ABTB3: variants seen among roughly 807,000 people sequenced by gnomAD.
The protein encoded by ABTB3 is ankyrin repeat- and BTB/POZ domain-containing protein 3.
the ABTB3 span, among the ~76,000 whole-genome samples, chr12:107,461,854 G>T: frequency 5.2e-4 from 79 of 152,274 alleles, no homozygotes; most frequent in East Asian, 0.014. Flanking sequence ...ATAATCAAAT[G>T]CTCCCCTGCT....
At chr12:107,612,988 C>A in the ABTB3 span, 1 of 903,430 alleles carries the variant, frequency 1.1e-6, no homozygotes, top group Non-Finnish European at 1.7e-6. Flanking sequence ...CAACAGATAG[C>A]TCTTTCCTGT....
At chr12:107,335,287 A>C in the ABTB3 span, among the ~76,000 whole-genome samples, 1 of 35,316 alleles carries the variant, frequency 2.8e-5, no homozygotes, top group African/African-American at 4.7e-4. Context: ...ACCTTGTCTC[A>C]AAAAAAAAAA....
the ABTB3 span, among the ~76,000 whole-genome samples, chr12:107,537,435 A>G: frequency 6.6e-6 from 1 of 152,212 alleles, no homozygotes; most frequent in Non-Finnish European, 1.5e-5. Flanking sequence ...TATGGTAATT[A>G]CCCTGATTTG....
chr12:107,608,892 A>T, the ABTB3 span, among the ~76,000 whole-genome samples: 14 of 63,152 alleles, frequency 2.2e-4, no homozygotes, highest in East Asian at 3.4e-3. Context: ...ATAAAATAAA[A>T]TAAATAAAAT....
At chr12:107,331,193 G>A in the ABTB3 span, among the ~76,000 whole-genome samples, 2 of 152,166 alleles carry the variant, frequency 1.3e-5, no homozygotes, top group East Asian at 3.9e-4. Flanking sequence ...TGGGAACGTG[G>A]CACAGCCTTT....
the ABTB3 span, among the ~76,000 whole-genome samples, chr12:107,568,908 T>C: frequency 4.6e-5 from 7 of 152,210 alleles, no homozygotes; most frequent in Admixed American, 6.5e-5. Context: ...TCTGACTCAA[T>C]GCACGAATCA....
the ABTB3 span, among the ~76,000 whole-genome samples, chr12:107,477,053 C>T: frequency 6.6e-6 from 1 of 152,160 alleles, no homozygotes; most frequent in East Asian, 1.9e-4. Flanking sequence ...ACTACTGGTG[C>T]TCTGTGCTGG....
the ABTB3 span, chr12:107,580,921 G>T: frequency 1.3e-6 from 2 of 1,551,516 alleles, no homozygotes; most frequent in Non-Finnish European, 1.7e-6. Context: ...GGAAACTGAG[G>T]CCCAAGGATT....
chr12:107,347,124 G>T, the ABTB3 span, among the ~76,000 whole-genome samples: 2 of 152,168 alleles, frequency 1.3e-5, no homozygotes, highest in Non-Finnish European at 2.9e-5. Flanking sequence ...GGGCCACGGA[G>T]TAGCTTTAGC....
chr12:107,375,334 C>T, the ABTB3 span, among the ~76,000 whole-genome samples: 1 of 152,104 alleles, frequency 6.6e-6, no homozygotes, highest in Non-Finnish European at 1.5e-5. Context: ...GGAAGGATCA[C>T]CTTAGCCCGG....
chr12:107,618,317 G>A, the ABTB3 span: 1 of 1,613,848 alleles, frequency 6.2e-7, no homozygotes, highest in Non-Finnish European at 8.5e-7. Flanking sequence ...CCCTGAGGGA[G>A]GCCATGTATC....
At chr12:107,478,333 C>G in the ABTB3 span, among the ~76,000 whole-genome samples, 3 of 152,108 alleles carry the variant, frequency 2.0e-5, no homozygotes, top group East Asian at 5.8e-4. Flanking sequence ...CAGTTGGATC[C>G]AACTCACTCA....
At chr12:107,406,872 T>C in the ABTB3 span, among the ~76,000 whole-genome samples, 2 of 152,140 alleles carry the variant, frequency 1.3e-5, no homozygotes, top group Non-Finnish European at 2.9e-5. Context: ...GTATAAAGCC[T>C]AAACTCCCCC....
At chr12:107,372,830 A>T in the ABTB3 span, among the ~76,000 whole-genome samples, 1 of 152,114 alleles carries the variant, frequency 6.6e-6, no homozygotes, top group Non-Finnish European at 1.5e-5. Context: ...ACTTATTATT[A>T]TCTTTGTTCA....
chr12:107,471,263 G>T, the ABTB3 span, among the ~76,000 whole-genome samples: 40 of 152,268 alleles, frequency 2.6e-4, no homozygotes, highest in African/African-American at 9.1e-4. Flanking sequence ...AAGGCACAAA[G>T]AAGTGAAGTA....
chr12:107,626,775 C>T, the ABTB3 span, among the ~76,000 whole-genome samples: 3 of 152,124 alleles, frequency 2.0e-5, no homozygotes, highest in African/African-American at 7.2e-5. Context: ...TCCATAAAGC[C>T]TCTAAGGAGT....
At chr12:107,458,287 G>C in the ABTB3 span, among the ~76,000 whole-genome samples, 74 of 152,304 alleles carry the variant, frequency 4.9e-4, no homozygotes, top group African/African-American at 1.8e-3. Flanking sequence ...TGATTTGACA[G>C]GTGAACAGAA....
the ABTB3 span, among the ~76,000 whole-genome samples, chr12:107,508,444 T>TTTTTTTGTTTG: frequency 1.3e-5 from 1 of 76,884 alleles, no homozygotes; most frequent in East Asian, 7.9e-4. Context: ...ATTTCTTTTT[T>TTTTTTTGTTTG]TTTTTTTTTT....
the ABTB3 span, among the ~76,000 whole-genome samples, chr12:107,366,638 C>T: frequency 6.6e-6 from 1 of 152,096 alleles, no homozygotes; most frequent in Non-Finnish European, 1.5e-5. Context: ...GAGTGAAGCA[C>T]GGTTTTTCTT....
Sources: gnomAD v4.1 joint callset for allele counts (sites outside exome capture counted in the v4.1 genomes callset) on GRCh38, gnomAD v4.1.1 for gene constraint, MANE v1.5 for transcripts, NCBI Gene and HGNC (gene_info 2026-07-23, HGNC 2026-07-21) for gene names.